Variants in TBL1X observed in about 807,000 individuals in gnomAD.
TBL1X encodes the protein transducin beta like 1 X-linked.
A neutral mutation model predicts 50.7 loss-of-function variants in TBL1X; 10 were observed. The observed-to-expected ratio is 0.20, with a 90% CI of 0.12 to 0.33. The LOEUF (loss-of-function observed/expected upper bound fraction) is 0.33. TBL1X is among the 10% of genes least tolerant of loss of function. The pLI, the probability that TBL1X is intolerant of heterozygous loss-of-function variation, is 1.00. For synonymous variants in TBL1X, 190 were observed against 214.7 expected, an observed-to-expected ratio of 0.88 and a Z score of 1.01; for missense variants, 340 against 504.4, an observed-to-expected ratio of 0.67 and a Z score of 3.12.
intron 7 of TBL1X, among the ~76,000 whole-genome samples, chrX:9,688,590 T>C (rs905318784): frequency 8.9e-6 from 1 of 112,765 alleles, no homozygotes; most frequent in African/African-American, 3.2e-5. Context: ...ACCTTTAGTC[T>C]CAGCCTCCAG....
At chrX:9,690,070 G>A (rs745820666) in intron 7 of TBL1X, among the ~76,000 whole-genome samples, 1 of 112,271 alleles carries the variant, frequency 8.9e-6, no homozygotes, top group Non-Finnish European at 1.9e-5. Flanking sequence ...ATTCCTCACC[G>A]TATTGTGAAA....
chrX:9,719,733 A>G lies in TBL1X; in HGVS notation c.*3487A>G, dbSNP rs1182328347. 1 of 112,266 alleles carries G rather than the reference A, an allele frequency of 8.9e-6. No individual in the cohort carries two copies. The highest frequency in any genetic ancestry group is 3.7e-4 in the South Asian group (1 of 2,673). 9.3% of individuals were successfully genotyped at this position (112,266 alleles called of 1,213,427 possible). ...GTCTTGAATAAATTGCTCTATTTTG[A>G]TATTAGAGAACTTGGTGGGTGTGCT... On this transcript the variant is annotated 3_prime_UTR_variant, in exon 18 of 18. Transcript: ENST00000645353.
chrX:9,497,006 AT>A (rs2081974267), intron 1 of TBL1X, among the ~76,000 whole-genome samples: 1 of 112,163 alleles, frequency 8.9e-6, no homozygotes, highest in South Asian at 3.7e-4. Flanking sequence ...TGACACACTT[AT>A]GATTATAGCA....
chrX:9,649,018 C>T (rs1230796578), intron 3 of TBL1X, among the ~76,000 whole-genome samples: 1 of 111,763 alleles, frequency 8.9e-6, no homozygotes, highest in Non-Finnish European at 1.9e-5. Flanking sequence ...AAAACAACCA[C>T]CACCTTCAAG....
intron 2 of TBL1X, among the ~76,000 whole-genome samples, chrX:9,579,772 C>G (rs1278363178): frequency 9.0e-6 from 1 of 110,858 alleles, no homozygotes; most frequent in Non-Finnish European, 1.9e-5. Context: ...TGACACACTA[C>G]CTTTTCATTT....
intron 5 of TBL1X, among the ~76,000 whole-genome samples, chrX:9,658,433 G>A (rs1174499961): frequency 3.6e-5 from 4 of 110,783 alleles, no homozygotes; most frequent in Admixed American, 1.9e-4. Context: ...TGCACCTGCT[G>A]TAGTGAGCAG....
At chrX:9,650,146 T>A (rs965579344) in intron 3 of TBL1X, among the ~76,000 whole-genome samples, 3 of 112,275 alleles carry the variant, frequency 2.7e-5, no homozygotes, top group African/African-American at 9.7e-5. Flanking sequence ...ACCAGTTGCC[T>A]TACTTTATAA....
chrX:9,523,536 G>T (rs1161515391), intron 2 of TBL1X, among the ~76,000 whole-genome samples: 1 of 112,430 alleles, frequency 8.9e-6, no homozygotes, highest in Non-Finnish European at 1.9e-5. Flanking sequence ...CCCACACTTG[G>T]CAGGGTCCTG....
rs183261681 is a variant in TBL1X, at chrX:9,593,933, G to C, written c.-130-46340G>C. ...GGGAGAAGGGCTGCACTGTGTGGAG[G>C]GTTCTCCCTACCTTGGCTGTGTTCT... On this transcript the variant is annotated intron_variant, in intron 2 of 17. Coordinates refer to ENST00000645353, the MANE Select transcript of TBL1X (RefSeq NM_005647.4). Among the ~76,000 whole-genome samples the C allele has an allele frequency of 1.0e-3, 115 of 111,840 alleles. 1 individual carries two copies. The East Asian group carries it at 0.028, about 27-fold the overall frequency.
intron 12 of TBL1X, among the ~76,000 whole-genome samples, chrX:9,699,345 A>G (rs907859895): frequency 4.5e-5 from 5 of 111,904 alleles, no homozygotes; most frequent in African/African-American, 1.6e-4. Context: ...CCGCAGAGCT[A>G]ATAGACTATT....
chrX:9,519,008 A>G (rs2082094279), intron 2 of TBL1X, among the ~76,000 whole-genome samples: 1 of 79,222 alleles, frequency 1.3e-5, no homozygotes, highest in African/African-American at 4.4e-5. Context: ...CTTAACATAC[A>G]TATGAAGTGT....
At chrX:9,504,440 G>A (rs1450975642) in intron 2 of TBL1X, among the ~76,000 whole-genome samples, 1 of 112,029 alleles carries the variant, frequency 8.9e-6, no homozygotes, top group African/African-American at 3.2e-5. Flanking sequence ...AGAACTGGAC[G>A]GAGGATCAGA....
In TBL1X at chrX:9,598,600, T is replaced by C. The variant is rs1211790271; in HGVS notation, c.-130-41673T>C. On this transcript the variant is annotated intron_variant, in intron 2 of 17. Coordinates refer to ENST00000645353, the MANE Select transcript of TBL1X (RefSeq NM_005647.4). ...AATAGCTCGTGCTGTTTCTGGTCAG[T>C]GAAGAAAGAGGAAGGCAAAGCCACG... Among the ~76,000 whole-genome samples the C allele has an allele frequency of 3.6e-5, 4 of 112,017 alleles. No individual in the cohort carries two copies. In the East Asian group the frequency reaches 1.1e-3, roughly 32 times the overall value.
At chrX:9,577,831 G>A (rs1434070578) in intron 2 of TBL1X, among the ~76,000 whole-genome samples, 2 of 112,366 alleles carry the variant, frequency 1.8e-5, no homozygotes, top group East Asian at 5.6e-4. Context: ...GAGCTTCTCG[G>A]GCAGTGTTCT....
chrX:9,635,733 A>G (rs2082743171), intron 2 of TBL1X, among the ~76,000 whole-genome samples: 1 of 111,853 alleles, frequency 8.9e-6, no homozygotes, highest in Non-Finnish European at 1.9e-5. Context: ...TCCTTTCCCC[A>G]GGTCCTGGCT....
intron 2 of TBL1X, among the ~76,000 whole-genome samples, chrX:9,519,342 G>A (rs985536694): frequency 9.0e-6 from 1 of 111,427 alleles, no homozygotes; most frequent in African/African-American, 3.3e-5. Context: ...GATCTCCTGG[G>A]CTCAGTGATC....
chrX:9,612,824 C>T, intron 2 of TBL1X, among the ~76,000 whole-genome samples: 1 of 110,601 alleles, frequency 9.0e-6, no homozygotes, highest in East Asian at 2.8e-4. Flanking sequence ...TATACACTTA[C>T]TATGTAACCG....
intron 5 of TBL1X, among the ~76,000 whole-genome samples, chrX:9,664,326 T>A (rs948566032): frequency 1.8e-5 from 2 of 112,285 alleles, no homozygotes; most frequent in African/African-American, 6.5e-5. Context: ...GCCAAGACAT[T>A]TTTATTATAT....
chrX:9,592,593 A>G (rs1307337549), intron 2 of TBL1X, among the ~76,000 whole-genome samples: 1 of 111,016 alleles, frequency 9.0e-6, no homozygotes, highest in Non-Finnish European at 1.9e-5. Context: ...TCCTTCTCCA[A>G]AACTCTCTGC....
Sources: gnomAD v4.1 joint callset for allele counts (sites outside exome capture counted in the v4.1 genomes callset) on GRCh38, gnomAD v4.1.1 for gene constraint, MANE v1.5 for transcripts, NCBI Gene and HGNC (gene_info 2026-07-23, HGNC 2026-07-21) for gene names.